Variants in WLS observed in about 807,000 individuals in gnomAD.
The protein encoded by WLS is protein wntless homolog.
WLS carries 23 observed loss-of-function variants against 62.8 expected under a neutral mutation model. The ratio of observed to expected loss-of-function variants is 0.37; its 90% CI spans 0.26 to 0.52. The LOEUF is 0.52. Ranked by LOEUF, WLS falls within the 20% of genes least tolerant of loss-of-function variation. The pLI is 0.92. For synonymous variants in WLS, 246 were observed against 244.1 expected (o/e 1.01, Z -0.07); for missense variants, 615 against 697.3 (o/e 0.88, Z 1.33).
chr1:68,108,242 T>G (rs568848420), intron 11 of WLS, among the ~76,000 whole-genome samples: 2 of 152,324 alleles, frequency 1.3e-5, no homozygotes, highest in Non-Finnish European at 2.9e-5. Context: ...CCAAATCATT[T>G]GAAATTTGAA....
rs59704442 is a variant in WLS at position 68,227,405 on chromosome 1, C to CA, written c.106+4788dup. Among the ~76,000 whole-genome samples the CA allele has an allele frequency of 7.2e-3, 815 of 112,798 alleles. 7 individuals carry two copies. Among genetic ancestry groups the CA allele is most frequent in the African/African-American group, 9.0e-3 (262 of 28,960 alleles). 74.0% of individuals were successfully genotyped at this position (112,798 alleles called of 152,430 possible). On this transcript the variant is annotated intron_variant, in intron 1 of 11. Coordinates refer to ENST00000262348, the MANE Select transcript of WLS (RefSeq NM_024911.7). ...TGGCTGACAGAACGAGACTCCGTCA[C>CA]AAAAAAAAAAAAAAAAAAAAGAGCA... is the stretch of plus-strand genomic sequence containing the variant.
intron 1 of WLS, among the ~76,000 whole-genome samples, chr1:68,225,822 T>C (rs1650118875): frequency 6.6e-6 from 1 of 152,170 alleles, no homozygotes; most frequent in South Asian, 2.1e-4. Context: ...TCCTCTCCTT[T>C]GAAAAAGTCC....
downstream of WLS, among the ~76,000 whole-genome samples, chr1:68,122,433 A>G (rs889051183): frequency 8.5e-5 from 13 of 152,214 alleles, no homozygotes; most frequent in Non-Finnish European, 1.5e-4. Flanking sequence ...TTTCATTACT[A>G]TGGACATTTT....
intron 11 of WLS, among the ~76,000 whole-genome samples, chr1:68,117,242 G>A (rs1570815874): frequency 6.6e-6 from 1 of 152,094 alleles, no homozygotes; most frequent in East Asian, 1.9e-4. Context: ...CATCTAGAGT[G>A]GATCCTTATA....
chr1:68,137,448 G>A (rs4397637), intron 11 of WLS, among the ~76,000 whole-genome samples: 20,415 of 152,104 alleles, frequency 0.13, 1,800 homozygotes, highest in Non-Finnish European at 0.2. Context: ...GAATAAACAT[G>A]GCATAGTTTC....
intron 11 of WLS, among the ~76,000 whole-genome samples, chr1:68,103,816 G>T (rs972262141): frequency 6.6e-6 from 1 of 152,156 alleles, no homozygotes; most frequent in Non-Finnish European, 1.5e-5. Context: ...CTTGGGCACT[G>T]CCAAAAATGG....
intron 11 of WLS, among the ~76,000 whole-genome samples, chr1:68,109,093 A>G (rs545132902): frequency 3.0e-4 from 45 of 152,256 alleles, no homozygotes; most frequent in Non-Finnish European, 5.6e-4. Flanking sequence ...ACCCCCAACA[A>G]AGACCTGAAC....
At chr1:68,160,941 A>G (rs540938602) in intron 2 of WLS, among the ~76,000 whole-genome samples, 3 of 152,320 alleles carry the variant, frequency 2.0e-5, no homozygotes, top group South Asian at 2.1e-4. Flanking sequence ...GACTTTATCA[A>G]TGTCTAAAAA....
intron 11 of WLS, among the ~76,000 whole-genome samples, chr1:68,118,728 A>G (rs921982868): frequency 6.6e-6 from 1 of 151,922 alleles, no homozygotes; most frequent in South Asian, 2.1e-4. Context: ...ACAAAAAATT[A>G]GCTGGGCGTG....
At chr1:68,222,040 CTT>C (rs1280815767) in intron 1 of WLS, among the ~76,000 whole-genome samples, 1 of 152,176 alleles carries the variant, frequency 6.6e-6, no homozygotes, top group East Asian at 1.9e-4. Flanking sequence ...TGCTATGTGA[CTT>C]TACCCCAAGC....
downstream of WLS, among the ~76,000 whole-genome samples, chr1:68,122,001 A>G (rs1021870076): frequency 2.6e-5 from 4 of 152,188 alleles, no homozygotes; most frequent in African/African-American, 9.7e-5. Flanking sequence ...TGGTTACCTG[A>G]AAATAGGAAG....
chr1:68,220,211 G>A (rs1287041844), intron 1 of WLS, among the ~76,000 whole-genome samples: 4 of 152,194 alleles, frequency 2.6e-5, no homozygotes, highest in Non-Finnish European at 2.9e-5. Flanking sequence ...CTAATAGGAA[G>A]GCTATCAAGC....
chr1:68,199,588 T>C (rs1187115539), intron 1 of WLS, among the ~76,000 whole-genome samples: 1 of 152,104 alleles, frequency 6.6e-6, no homozygotes, highest in Non-Finnish European at 1.5e-5. Context: ...CATTTAACGG[T>C]GAAAACTGTA....
chr1:68,155,239 A>T lies in WLS; in HGVS notation c.526T>A (p.Tyr176Asn). ...SPKTPEHEGR[Y>N]YECDVLPFME... ...AAAGGAAGGACATCACATTCATAGT[A>T]ACGGCCCTCATGCTCTGGAGTCTGG... The change falls in exon 4 of 12, where the codon TAC becomes AAC. Residue 176 changes from tyrosine to asparagine, a missense_variant. Tyr to Asn is a moderately radical substitution (Grantham distance 143). Transcript: ENST00000262348. 4 of 1,613,610 alleles carry T rather than the reference A, an allele frequency of 2.5e-6. No individual in the cohort carries two copies. The highest frequency in any genetic ancestry group is 3.4e-6 in the Non-Finnish European group (4 of 1,179,748).
At chr1:68,180,867 C>A (rs1461292290) in intron 2 of WLS, among the ~76,000 whole-genome samples, 1 of 152,168 alleles carries the variant, frequency 6.6e-6, no homozygotes, top group Non-Finnish European at 1.5e-5. Flanking sequence ...CAACCTGGAC[C>A]AGAACAAAGC....
At chr1:68,118,402 G>A (rs1201428699) in intron 11 of WLS, among the ~76,000 whole-genome samples, 1 of 152,146 alleles carries the variant, frequency 6.6e-6, no homozygotes, top group Non-Finnish European at 1.5e-5. Context: ...TTCTGCTGTT[G>A]GCACAGTTCT....
At position 68,148,164 on chromosome 1, in the gene WLS, C is replaced by A. The variant is rs749809422; in HGVS notation, c.1106G>T (p.Trp369Leu). The stretch of plus-strand genomic sequence containing the variant: ...CAGCTCTGTTCCAATGTCTGTAGTC[C>A]AGATACTGTAGAAGGGATTCGTGAG... ...VQLTNPFYSI[W>L]TTDIGTELAM... Residue 369 changes from tryptophan (W) to leucine (L), a missense_variant, in exon 8 of 12, where the codon TGG (tryptophan) becomes TTG (leucine). Transcript: ENST00000262348. The A allele has an allele frequency of 6.2e-7, 1 of 1,614,124 alleles. No homozygotes were observed. Among genetic ancestry groups the A allele is most frequent in the South Asian group, 1.1e-5 (1 of 91,076 alleles).
chr1:68,123,966 A>G (rs1646393842), downstream of WLS, among the ~76,000 whole-genome samples: 2 of 135,512 alleles, frequency 1.5e-5, no homozygotes, highest in Non-Finnish European at 3.3e-5. Flanking sequence ...TAAGCTTGCT[A>G]GAGTTGGCTC....
chr1:68,107,319 A>T (rs1646161422), intron 11 of WLS, among the ~76,000 whole-genome samples: 1 of 151,674 alleles, frequency 6.6e-6, no homozygotes, highest in Non-Finnish European at 1.5e-5. Flanking sequence ...TGCTATTAAC[A>T]CAATGTGGCA....
Sources: allele counts gnomAD v4.1 joint callset (sites outside exome capture counted in the v4.1 genomes callset), GRCh38; gene constraint gnomAD v4.1.1; transcripts MANE v1.5; gene names NCBI Gene and HGNC (gene_info 2026-07-23, HGNC 2026-07-21).